Variants in SFMBT2 observed in about 807,000 individuals in gnomAD.
SFMBT2 encodes the protein Scm like with four mbt domains 2, also known as scm-like with four MBT domains protein 2.
Under a neutral mutation model 110.1 loss-of-function variants are expected in SFMBT2, and 38 were observed. That is an observed-to-expected ratio of 0.35 (90% CI 0.27 to 0.45). SFMBT2 has a LOEUF of 0.45. SFMBT2 is among the 20% of genes least tolerant of loss of function. The pLI, the probability that SFMBT2 is intolerant of heterozygous loss-of-function variation, is 1.00. For missense variants in SFMBT2, 1,011 were observed against 1,094.9 expected (o/e 0.92, Z 1.08); for synonymous variants, 425 against 425.4 (o/e 1.00, Z 0.01).
At chr10:7,213,529 C>T (rs1378100078) in intron 11 of SFMBT2, among the ~76,000 whole-genome samples, 4 of 152,148 alleles carry the variant, frequency 2.6e-5, no homozygotes, top group South Asian at 2.1e-4. Context: ...CCGTGGCTTC[C>T]GACTTGGGTG....
At chr10:7,349,359 G>C (rs554174361) in intron 4 of SFMBT2, among the ~76,000 whole-genome samples, 70 of 150,794 alleles carry the variant, frequency 4.6e-4, no homozygotes, top group Non-Finnish European at 8.3e-4. Flanking sequence ...AACTTAAGGT[G>C]GACAGAACAC....
intron 7 of SFMBT2, among the ~76,000 whole-genome samples, chr10:7,250,886 C>A (rs778507472): frequency 1.3e-5 from 2 of 152,136 alleles, no homozygotes; most frequent in Non-Finnish European, 2.9e-5. Context: ...GGCTACTGTA[C>A]AGAGAGCGAA....
chr10:7,246,601 C>T (rs1840621028), intron 8 of SFMBT2, among the ~76,000 whole-genome samples: 1 of 151,692 alleles, frequency 6.6e-6, no homozygotes, highest in Non-Finnish European at 1.5e-5. Flanking sequence ...CGCCTATAAT[C>T]CCAGCTACTC....
At chr10:7,306,236 T>C (rs1007898229) in intron 4 of SFMBT2, among the ~76,000 whole-genome samples, 2 of 152,228 alleles carry the variant, frequency 1.3e-5, no homozygotes, top group African/African-American at 4.8e-5. Flanking sequence ...CAGTGAACTG[T>C]GCGTGGCTTT....
intron 9 of SFMBT2, among the ~76,000 whole-genome samples, chr10:7,230,940 C>A (rs76252122): frequency 0.064 from 9,655 of 151,932 alleles, 418 homozygotes; most frequent in Non-Finnish European, 0.089. Context: ...TCTCAAAACA[C>A]GAAATAAAAA....
Position 7,188,691 on chromosome 10 carries a change from C to G in SFMBT2, c.1741G>C (p.Val581Leu). 1.2e-6 allele frequency: 2 copies of G among 1,613,626 alleles called. No homozygotes were observed. The highest frequency in any genetic ancestry group is 1.7e-6 in the Non-Finnish European group (2 of 1,179,728). ...IINAAYKPGR[V>L]LRELQLVEDP... ...TCTACCAGCTGTAATTCTCTTAATA[C>G]CCTTCCAGGCTTGTAGGCTGCGTTG... The change falls in exon 16 of 21, where the codon GTA (valine) becomes CTA (leucine). Residue 581 changes from valine (V) to leucine (L), a missense_variant. By Grantham distance (32) the Val-to-Leu change is conservative. This residue lies in a region of SFMBT2 where 979 missense variants were observed against 1,016.1 expected (regional missense o/e 0.96). Transcript: ENST00000397167.
chr10:7,214,811 A>G (rs748367987), intron 11 of SFMBT2: 682 of 951,404 alleles, frequency 7.2e-4, no homozygotes, highest in Non-Finnish European at 8.0e-4. Flanking sequence ...TCAAAGCACA[A>G]AAACACTAAC....
intron 4 of SFMBT2, among the ~76,000 whole-genome samples, chr10:7,342,513 A>G (rs1588464069): frequency 7.1e-6 from 1 of 141,406 alleles, no homozygotes; most frequent in Non-Finnish European, 1.5e-5. Context: ...GGTTCATGCC[A>G]TTCTCCTGCC....
At chr10:7,340,875 T>C (rs1055833734) in intron 4 of SFMBT2, among the ~76,000 whole-genome samples, 2 of 150,624 alleles carry the variant, frequency 1.3e-5, no homozygotes, top group Non-Finnish European at 2.9e-5. Context: ...ACTGCAGGGA[T>C]TCTTTGGGGT....
intron 16 of SFMBT2, among the ~76,000 whole-genome samples, chr10:7,187,294 T>C (rs1294064905): frequency 2.0e-5 from 3 of 152,236 alleles, no homozygotes; most frequent in East Asian, 1.9e-4. Context: ...CACTTGCTTA[T>C]GTTTTCTGCC....
chr10:7,302,671 A>G (rs745333062), intron 4 of SFMBT2, among the ~76,000 whole-genome samples: 15 of 152,234 alleles, frequency 9.9e-5, no homozygotes, highest in Non-Finnish European at 1.9e-4. Flanking sequence ...TCATGATTCA[A>G]CATCATAAAT....
chr10:7,301,521 C>T lies in SFMBT2; in HGVS notation c.437-15567G>A, dbSNP rs1387752713. Among the ~76,000 whole-genome samples the T allele has an allele frequency of 2.6e-5, 4 of 152,212 alleles. No individual in the cohort carries two copies. Among genetic ancestry groups the T allele is most frequent in the African/African-American group, 9.6e-5 (4 of 41,464 alleles). On this transcript the variant is annotated intron_variant, in intron 4 of 20. Transcript: ENST00000397167. The surrounding 1 kb of genome is among the most constrained non-coding windows in gnomAD (Gnocchi z 4.2). The stretch of plus-strand genomic sequence containing the variant: ...CTGTATCTGCACACTCAGCCATCGG[C>T]AGTTAGTGGCACACTTTCCACTGAG...
chr10:7,311,188 C>T (rs1196604764), intron 4 of SFMBT2, among the ~76,000 whole-genome samples: 2 of 151,424 alleles, frequency 1.3e-5, no homozygotes, highest in Non-Finnish European at 2.9e-5. Context: ...TTATACAATC[C>T]ATGTAATTGT....
intron 2 of SFMBT2, among the ~76,000 whole-genome samples, chr10:7,373,470 G>A (rs1453275306): frequency 3.3e-5 from 5 of 152,192 alleles, no homozygotes; most frequent in African/African-American, 4.8e-5. Flanking sequence ...TCCCAAGAAC[G>A]ATGATGGATG....
At chr10:7,406,104 G>C (rs1291033575) in intron 1 of SFMBT2, among the ~76,000 whole-genome samples, 1 of 151,980 alleles carries the variant, frequency 6.6e-6, no homozygotes, top group African/African-American at 2.4e-5. Context: ...CTTTAGGGCA[G>C]AGTAAAATTT....
At chr10:7,381,415 T>C (rs1588497710) in intron 2 of SFMBT2, among the ~76,000 whole-genome samples, 1 of 152,298 alleles carries the variant, frequency 6.6e-6, no homozygotes, top group East Asian at 1.9e-4. Flanking sequence ...TGAGCAAAAA[T>C]GGCATTTGTC....
intron 7 of SFMBT2, among the ~76,000 whole-genome samples, chr10:7,261,266 T>C (rs976618457): frequency 6.6e-6 from 1 of 152,244 alleles, no homozygotes; most frequent in African/African-American, 2.4e-5. Flanking sequence ...ATGGCTTCAA[T>C]TATGTTTTTC....
chr10:7,242,417 C>T lies in SFMBT2; in HGVS notation c.1120+1141G>A, dbSNP rs79786410. Among the ~76,000 whole-genome samples the T allele has an allele frequency of 7.4e-3, 1,132 of 152,240 alleles. 15 individuals are homozygous for T. Among genetic ancestry groups the T allele is most frequent in the African/African-American group, 0.026 (1,075 of 41,536 alleles). The stretch of plus-strand genomic sequence containing the variant: ...GCCTGGAGACCTACGATCCAAATGA[C>T]CCTGCGCAAGTTATATAAACTCTCT... On this transcript the variant is annotated intron_variant, in intron 9 of 20. Coordinates refer to ENST00000397167, the MANE Select transcript of SFMBT2 (RefSeq NM_001387889.1).
chr10:7,388,999 G>A (rs781120184), intron 1 of SFMBT2, among the ~76,000 whole-genome samples: 1 of 152,176 alleles, frequency 6.6e-6, no homozygotes, highest in East Asian at 1.9e-4. Context: ...AAGGGAACAG[G>A]TCCAAGAAGT....
Sources: gnomAD v4.1 joint callset for allele counts (sites outside exome capture counted in the v4.1 genomes callset) on GRCh38, gnomAD v4.1.1 for gene constraint, gnomAD v4.1.1 regional missense constraint, Gnocchi (gnomAD v3.1) non-coding constraint, MANE v1.5 for transcripts, NCBI Gene and HGNC (gene_info 2026-07-23, HGNC 2026-07-21) for gene names.